Variants in PDGFD observed in about 807,000 individuals in gnomAD.
PDGFD encodes the protein platelet derived growth factor D.
In PDGFD, 30 loss-of-function variants were observed where a neutral mutation model predicts 44.7. The observed-to-expected ratio is 0.67, with a 90% CI of 0.50 to 0.91. PDGFD has a LOEUF of 0.91. Ranked by LOEUF, PDGFD falls within the 40% of genes least tolerant of loss-of-function variation. The pLI is 0.00. For synonymous variants in PDGFD, 173 were observed against 168.4 expected, an observed-to-expected ratio of 1.03 and a Z score of -0.21; for missense variants, 445 against 457.8, an observed-to-expected ratio of 0.97 and a Z score of 0.25.
intron 1 of PDGFD, among the ~76,000 whole-genome samples, chr11:104,120,644 G>T (rs1461374076): frequency 6.6e-6 from 1 of 151,802 alleles, no homozygotes; most frequent in Non-Finnish European, 1.5e-5. Context: ...CTCTCCATAT[G>T]GCACAATATC....
intron 5 of PDGFD, among the ~76,000 whole-genome samples, chr11:103,939,130 A>G (rs961349101): frequency 1.8e-4 from 27 of 152,226 alleles, no homozygotes; most frequent in African/African-American, 5.3e-4. Context: ...CATTGAATCT[A>G]TAAATTACCT....
At chr11:104,002,381 G>A (rs1401329234) in intron 1 of PDGFD, among the ~76,000 whole-genome samples, 1 of 152,134 alleles carries the variant, frequency 6.6e-6, no homozygotes, top group Non-Finnish European at 1.5e-5. Flanking sequence ...TAATGAGTGA[G>A]TTCTCATGAA....
chr11:103,911,602 G>C (rs1322120904), intron 6 of PDGFD, among the ~76,000 whole-genome samples: 1 of 151,998 alleles, frequency 6.6e-6, no homozygotes, highest in Non-Finnish European at 1.5e-5. Context: ...TCGCCAGCAA[G>C]GGAACAAAAC....
At chr11:103,929,400 G>A (rs1235077007) in intron 5 of PDGFD, among the ~76,000 whole-genome samples, 1 of 152,136 alleles carries the variant, frequency 6.6e-6, no homozygotes, top group East Asian at 1.9e-4. Context: ...AGACACCCAA[G>A]CCAAAGTACA....
At chr11:104,036,301 G>T (rs556658285) in intron 1 of PDGFD, among the ~76,000 whole-genome samples, 1 of 151,924 alleles carries the variant, frequency 6.6e-6, no homozygotes. Flanking sequence ...ACAATTAGCC[G>T]GGCATGGTAG....
At chr11:103,996,917 A>C (rs984837506) in intron 2 of PDGFD, among the ~76,000 whole-genome samples, 7 of 152,162 alleles carry the variant, frequency 4.6e-5, no homozygotes, top group Non-Finnish European at 1.0e-4. Flanking sequence ...TAAGACCATA[A>C]GTTCACCTCT....
chr11:104,161,950 AGTGTGTGTGTGT>A (rs3050634), intron 1 of PDGFD, among the ~76,000 whole-genome samples: 1 of 148,904 alleles, frequency 6.7e-6, no homozygotes, highest in Admixed American at 6.7e-5. Context: ...AATCAAAGAG[AGTGTGTGTGTGT>A]GTGTGTGTGT....
chr11:104,130,043 C>T (rs1400399384), intron 1 of PDGFD, among the ~76,000 whole-genome samples: 1 of 148,734 alleles, frequency 6.7e-6, no homozygotes, highest in African/African-American at 2.5e-5. Flanking sequence ...ATAGGTAAAC[C>T]ACTCAGCATA....
chr11:104,058,263 G>A lies in PDGFD; in HGVS notation c.125-58008C>T, dbSNP rs568814896. Among the ~76,000 whole-genome samples, 42 of 152,244 alleles carry A rather than the reference G, an allele frequency of 2.8e-4. 2 individuals are homozygous for A. In the South Asian group the frequency reaches 7.3e-3, roughly 26 times the overall value. On this transcript the variant is annotated intron_variant, in intron 1 of 6. Transcript: ENST00000393158. ...GCAAAACACGTACATGATAAATGTC[G>A]AAATATGTATTTAAAACACGTTATA...
intron 1 of PDGFD, among the ~76,000 whole-genome samples, chr11:104,076,062 T>C (rs602050): frequency 0.47 from 71,523 of 151,978 alleles, 18,628 homozygotes; most frequent in African/African-American, 0.71. Flanking sequence ...GTTATTCTTA[T>C]AATAGTGAGT....
Position 103,947,663 on chromosome 11 carries a change from G to A in PDGFD, c.572C>T (p.Ser191Leu). ...GCAACAGAGTAATAAATTACTTACT[G>A]AAATAGAGCTTGTGACAGATTCCCA... The part of the protein sequence containing the change: ...TNWESVTSSI[S>L]GVSYNSPSVT... Residue 191 changes from serine (S) to leucine (L), a missense_variant and splice_region_variant, in exon 4 of 7, where the codon TCA becomes TTA. Coordinates refer to ENST00000393158, the MANE Select transcript of PDGFD (RefSeq NM_025208.5). 6.2e-7 allele frequency: 1 copy of A among 1,612,546 alleles called. No individual in the cohort carries two copies. Among genetic ancestry groups the A allele is most frequent in the African/African-American group, 1.3e-5 (1 of 74,966 alleles).
At chr11:104,060,244 G>T (rs758099157) in intron 1 of PDGFD, among the ~76,000 whole-genome samples, 23 of 152,320 alleles carry the variant, frequency 1.5e-4, no homozygotes, top group Non-Finnish European at 2.8e-4. Flanking sequence ...GTTTTGTCCA[G>T]ATCAGCAACT....
chr11:104,057,490 CAAAG>C (rs80294342), intron 1 of PDGFD, among the ~76,000 whole-genome samples: 66,471 of 151,590 alleles, frequency 0.44, 15,473 homozygotes, highest in African/African-American at 0.6. Flanking sequence ...CTCATGGACA[CAAAG>C]AAGCCAAAGA....
intron 1 of PDGFD, among the ~76,000 whole-genome samples, chr11:104,025,963 G>A (rs1479588973): frequency 2.6e-5 from 4 of 152,178 alleles, no homozygotes; most frequent in Non-Finnish European, 4.4e-5. Flanking sequence ...TCTCTACAAA[G>A]GCCCTCAGAT....
chr11:103,962,996 AC>A (rs1858962418), intron 3 of PDGFD, among the ~76,000 whole-genome samples: 1 of 152,100 alleles, frequency 6.6e-6, no homozygotes, highest in Non-Finnish European at 1.5e-5. Context: ...TTCTCCACTT[AC>A]CAGCTAGAGA....
chr11:104,085,050 T>A (rs1385683644), intron 1 of PDGFD, among the ~76,000 whole-genome samples: 1 of 150,972 alleles, frequency 6.6e-6, no homozygotes, highest in African/African-American at 2.4e-5. Context: ...ACAAAAAAAA[T>A]TAATTTTGGT....
At chr11:104,034,788 G>A (rs1351307978) in intron 1 of PDGFD, among the ~76,000 whole-genome samples, 16 of 151,840 alleles carry the variant, frequency 1.1e-4, no homozygotes, top group African/African-American at 1.7e-4. Flanking sequence ...GACTACAGGC[G>A]CCCACCACAA....
chr11:104,007,154 T>C (rs185523375), intron 1 of PDGFD, among the ~76,000 whole-genome samples: 2 of 152,258 alleles, frequency 1.3e-5, no homozygotes, highest in East Asian at 1.9e-4. Flanking sequence ...GCAAGTCCTA[T>C]GCGGGGGATC....
Position 103,984,069 on chromosome 11 carries a change from A to C in PDGFD, c.510+11996T>G, listed in dbSNP as rs1859314776. ...GCAATCCATTATTGGGTATATACCC[A>C]AAGGAATATAAATCATTCTATTATA... On this transcript the variant is annotated intron_variant, in intron 3 of 6. Coordinates refer to ENST00000393158, the MANE Select transcript of PDGFD (RefSeq NM_025208.5). Among the ~76,000 whole-genome samples, 3 of 151,798 alleles carry C rather than the reference A, an allele frequency of 2.0e-5. No individual in the cohort carries two copies. The South Asian group carries it at 6.2e-4, about 31-fold the overall frequency.
Sources: gnomAD v4.1 joint callset for allele counts (sites outside exome capture counted in the v4.1 genomes callset) on GRCh38, gnomAD v4.1.1 for gene constraint, MANE v1.5 for transcripts, NCBI Gene and HGNC (gene_info 2026-07-23, HGNC 2026-07-21) for gene names.